The following CCDC138 variants were observed in gnomAD, a reference collection of about 807,000 sequenced individuals.
CCDC138 encodes coiled-coil domain containing 138.
Under a neutral mutation model 82.3 loss-of-function variants are expected in CCDC138, and 66 were observed. The observed-to-expected ratio is 0.80, with a 90% confidence interval of 0.66 to 0.98. The LOEUF is 0.98. CCDC138 is among the 50% of genes least tolerant of loss of function. The pLI is 0.00. For synonymous variants in CCDC138, 297 were observed against 265.4 expected (o/e 1.12, Z -1.16); for missense variants, 816 against 758.9 (o/e 1.08, Z -0.88).
chr2:108,800,115 A>C (rs1422311914), intron 6 of CCDC138, among the ~76,000 whole-genome samples: 1 of 152,060 alleles, frequency 6.6e-6, no homozygotes, highest in African/African-American at 2.4e-5. Context: ...AGGCTTAGTC[A>C]CATTGTTTGG....
intron 11 of CCDC138, among the ~76,000 whole-genome samples, chr2:108,841,152 T>C (rs961180064): frequency 6.6e-6 from 1 of 152,148 alleles, no homozygotes; most frequent in Non-Finnish European, 1.5e-5. Context: ...TTGAGTTCTT[T>C]AGAAGTTTGT....
chr2:108,812,609 T>C (rs1292042960), intron 7 of CCDC138, 22 bp from the exon 8 acceptor site: 8 of 1,578,696 alleles, frequency 5.1e-6, no homozygotes, highest in Non-Finnish European at 7.0e-6. Flanking sequence ...TATTGAAATA[T>C]CTAACTTTTT....
chr2:108,834,255 C>A, intron 10 of CCDC138, among the ~76,000 whole-genome samples: 1 of 147,502 alleles, frequency 6.8e-6, no homozygotes, highest in Admixed American at 6.7e-5. Flanking sequence ...CTCTGTCACA[C>A]GAGCTGGAGT....
At position 108,794,521 on chromosome 2, in the gene CCDC138, A is replaced by C. The variant is rs1472058793; in HGVS notation, c.395-19A>C. The C allele has an allele frequency of 6.3e-7, 1 of 1,581,500 alleles. No homozygotes were observed. Among genetic ancestry groups the C allele is most frequent in the Admixed American group, 1.8e-5 (1 of 54,650 alleles). On this transcript the variant is annotated intron_variant, in intron 4 of 14. Transcript: ENST00000295124. Reference sequence around the variant, plus strand: ...ATAAGTTAATAAAGTTTATAATGCAAATGTTATTTTCTTTGCAGTTGCCTT... The same window carrying C: ...ATAAGTTAATAAAGTTTATAATGCACATGTTATTTTCTTTGCAGTTGCCTT...
At chr2:108,791,286 T>C (rs1158715485) in intron 3 of CCDC138, among the ~76,000 whole-genome samples, 1 of 152,198 alleles carries the variant, frequency 6.6e-6, no homozygotes, top group African/African-American at 2.4e-5. Context: ...TGCTCCACTT[T>C]CTACTCGTTA....
chr2:108,794,773 C>A, intron 5 of CCDC138, 52 bp downstream of exon 5: 1 of 1,374,260 alleles, frequency 7.3e-7, no homozygotes, highest in Non-Finnish European at 1.0e-6. Flanking sequence ...GTTCTAAGAA[C>A]CAAGCATTTA....
chr2:108,877,905 A>G (rs1696135521), downstream of CCDC138, among the ~76,000 whole-genome samples: 1 of 152,208 alleles, frequency 6.6e-6, no homozygotes, highest in Non-Finnish European at 1.5e-5. Flanking sequence ...AGGAAAAACC[A>G]GACTAGCCTT....
rs569783934 is a variant in CCDC138, at chr2:108,871,201, G to A, written c.1694-2250G>A. Among the ~76,000 whole-genome samples, 85 of 151,770 alleles carry A rather than the reference G, an allele frequency of 5.6e-4. No homozygotes were observed. In the Middle Eastern group the frequency reaches 0.017, roughly 30 times the overall value. Reference sequence around the variant, plus strand: ...TTATTTAATGAAATAGTATTCAACAGGAAAAATAAAATGGATTAGAGTCAT... The same window carrying A: ...TTATTTAATGAAATAGTATTCAACAAGAAAAATAAAATGGATTAGAGTCAT... On this transcript the variant is annotated intron_variant, in intron 13 of 14. Coordinates refer to ENST00000295124, the MANE Select transcript of CCDC138 (RefSeq NM_144978.3).
intron 11 of CCDC138, among the ~76,000 whole-genome samples, chr2:108,845,045 C>T (rs987844666): frequency 1.3e-5 from 2 of 151,908 alleles, no homozygotes; most frequent in African/African-American, 4.8e-5. Context: ...TGTGCCTGGC[C>T]CACATTTTTT....
chr2:108,796,993 A>C (rs1238014008), intron 5 of CCDC138, among the ~76,000 whole-genome samples: 1 of 152,226 alleles, frequency 6.6e-6, no homozygotes, highest in East Asian at 1.9e-4. Context: ...ACAAAGAAAG[A>C]ATAAATGTTT....
At chr2:108,841,539 A>G (rs1689481670) in intron 11 of CCDC138, among the ~76,000 whole-genome samples, 1 of 152,070 alleles carries the variant, frequency 6.6e-6, no homozygotes, top group African/African-American at 2.4e-5. Context: ...TGAAATCTCT[A>G]TCTGATACTA....
intron 7 of CCDC138, among the ~76,000 whole-genome samples, chr2:108,810,790 G>A (rs187671779): frequency 6.6e-6 from 1 of 152,306 alleles, no homozygotes; most frequent in Admixed American, 6.5e-5. Context: ...TAAAAGTACA[G>A]TTCAGCAGTG....
In CCDC138 at chr2:108,856,959, C is replaced by T. The variant is rs1215574792; in HGVS notation, c.1682C>T (p.Thr561Met). 1.1e-5 allele frequency: 17 copies of T among 1,581,554 alleles called. No homozygotes were observed. In the East Asian group the frequency reaches 1.4e-4, roughly 13 times the overall value. Residue 561 changes from threonine to methionine, a missense_variant, in exon 13 of 15, where the codon ACG becomes ATG. Physicochemically the swap from Thr to Met is moderately conservative, Grantham distance 81. Coordinates refer to ENST00000295124, the MANE Select transcript of CCDC138 (RefSeq NM_144978.3). ...GTTATTGATAGTTTGCTCCAGATGA[C>T]GGTGGAATCTAGTAAGTTTTTAAGT... is the stretch of plus-strand genomic sequence containing the variant. Reference protein sequence around the residue: ...SNVIDSLLQMTVESKSLQPFL... With the variant: ...SNVIDSLLQMMVESKSLQPFL...
At chr2:108,797,402 G>A (rs75020884) in intron 5 of CCDC138, among the ~76,000 whole-genome samples, 3,317 of 152,296 alleles carry the variant, frequency 0.022, 117 homozygotes, top group African/African-American at 0.076. Flanking sequence ...GGACTGAAAA[G>A]TGACCTTTAG....
chr2:108,848,134 T>C (rs1690799857), intron 12 of CCDC138, among the ~76,000 whole-genome samples: 1 of 152,232 alleles, frequency 6.6e-6, no homozygotes, highest in South Asian at 2.1e-4. Context: ...GCCAATTTAA[T>C]ATAAGAAAAA....
chr2:108,821,948 A>G (rs1196881693), intron 10 of CCDC138, among the ~76,000 whole-genome samples: 2 of 146,126 alleles, frequency 1.4e-5, no homozygotes, highest in Non-Finnish European at 3.0e-5. Context: ...AAAAAAAAGT[A>G]TGTCCTTCCT....
intron 4 of CCDC138, among the ~76,000 whole-genome samples, chr2:108,793,482 T>TA (rs1680292230): frequency 6.6e-6 from 1 of 152,226 alleles, no homozygotes; most frequent in African/African-American, 2.4e-5. Flanking sequence ...AGTAAATTGA[T>TA]ACAGCCACTT....
chr2:108,873,879 TC>T (rs1483196909), intron 14 of CCDC138, among the ~76,000 whole-genome samples: 1 of 152,170 alleles, frequency 6.6e-6, no homozygotes. Flanking sequence ...TTTAGACCTT[TC>T]TGAATCCCAT....
At chr2:108,852,719 T>G (rs1691716218) in intron 12 of CCDC138, among the ~76,000 whole-genome samples, 1 of 151,854 alleles carries the variant, frequency 6.6e-6, no homozygotes, top group African/African-American at 2.4e-5. Context: ...CATGGATACA[T>G]AAGGGGAACA....
Sources: gnomAD v4.1 joint callset for allele counts (sites outside exome capture counted in the v4.1 genomes callset) on GRCh38, gnomAD v4.1.1 for gene constraint, MANE v1.5 for transcripts, NCBI Gene and HGNC (gene_info 2026-07-23, HGNC 2026-07-21) for gene names.